The following ADAMTS2 variants were observed in gnomAD, a reference collection of about 807,000 sequenced individuals.
The protein encoded by ADAMTS2 is ADAM metallopeptidase with thrombospondin type 1 motif 2, also known as A disintegrin and metalloproteinase with thrombospondin motifs 2.
ADAMTS2 carries 50 observed loss-of-function variants against 123.0 expected under a neutral mutation model. The observed-to-expected ratio is 0.41, with a 90% CI of 0.32 to 0.51. The LOEUF is 0.51. Ranked by LOEUF, ADAMTS2 falls within the 20% of genes least tolerant of loss-of-function variation. The pLI, the probability that ADAMTS2 is intolerant of heterozygous loss-of-function variation, is 0.35. For synonymous variants in ADAMTS2, 678 were observed against 695.4 expected, an observed-to-expected ratio of 0.98 and a Z score of 0.39; for missense variants, 1,494 against 1,705.2, an observed-to-expected ratio of 0.88 and a Z score of 2.18.
At chr5:179,152,595 G>A (rs1028969711) in intron 9 of ADAMTS2, among the ~76,000 whole-genome samples, 10 of 151,902 alleles carry the variant, frequency 6.6e-5, no homozygotes, top group Admixed American at 5.9e-4. Context: ...AAACCCTGGC[G>A]AAGCCCTACC....
rs1419247120 is a variant in ADAMTS2, at chr5:179,307,459, T to C, written c.535-34395A>G. On this transcript the variant is annotated intron_variant, in intron 2 of 21. Transcript: ENST00000251582. The surrounding 1 kb of genome is among the most constrained non-coding windows in gnomAD (Gnocchi z 5.6). ...CACCACCACGCAGGGGCTTCCCGGGTCATGCTGCACCATCCACTAATAGCA... is the reference window on the plus strand; with the variant it reads ...CACCACCACGCAGGGGCTTCCCGGGCCATGCTGCACCATCCACTAATAGCA... Among the ~76,000 whole-genome samples the C allele has an allele frequency of 6.6e-6, 1 of 151,900 alleles. No homozygotes were observed. Among genetic ancestry groups the C allele is most frequent in the Non-Finnish European group, 1.5e-5 (1 of 67,998 alleles).
chr5:179,302,387 A>G (rs1411428905), intron 2 of ADAMTS2, among the ~76,000 whole-genome samples: 1 of 148,508 alleles, frequency 6.7e-6, no homozygotes, highest in Admixed American at 6.7e-5. Flanking sequence ...CTCAAAAAAA[A>G]AAAAAAAAAA....
chr5:179,191,389 C>A (rs758725599), intron 4 of ADAMTS2, among the ~76,000 whole-genome samples: 4 of 152,336 alleles, frequency 2.6e-5, no homozygotes, highest in African/African-American at 9.6e-5. Flanking sequence ...TCCCCCCACA[C>A]GCCCGTCTCA....
At chr5:179,186,863 T>A (rs1223621798) in intron 4 of ADAMTS2, among the ~76,000 whole-genome samples, 2 of 93,490 alleles carry the variant, frequency 2.1e-5, no homozygotes, top group African/African-American at 8.1e-5. Flanking sequence ...CACACACCAT[T>A]CTTCACTACG....
intron 4 of ADAMTS2, among the ~76,000 whole-genome samples, chr5:179,190,946 T>C (rs1011302436): frequency 1.3e-5 from 2 of 152,240 alleles, no homozygotes; most frequent in African/African-American, 4.8e-5. Flanking sequence ...CGTCCGCGAG[T>C]GTGACCCAGC....
chr5:179,315,778 G>A (rs765639410), intron 2 of ADAMTS2, among the ~76,000 whole-genome samples: 23 of 152,200 alleles, frequency 1.5e-4, no homozygotes, highest in African/African-American at 4.8e-4. Flanking sequence ...TGGCTGCACC[G>A]AAGAGCAGAA....
chr5:179,307,502 C>G lies in ADAMTS2; in HGVS notation c.535-34438G>C, dbSNP rs182607281. On this transcript the variant is annotated intron_variant, in intron 2 of 21. Transcript: ENST00000251582. The surrounding 1 kb of genome is among the most constrained non-coding windows in gnomAD (Gnocchi z 5.6). ...TAATAGCACCATCACGTATGCCAGG[C>G]TGGGAGCCCGGGCGTCCCAAGCCTG... is the stretch of plus-strand genomic sequence containing the variant. Among the ~76,000 whole-genome samples the G allele has an allele frequency of 6.6e-6, 1 of 152,264 alleles. No homozygotes were observed. The highest frequency in any genetic ancestry group is 6.5e-5 in the Admixed American group (1 of 15,300).
In ADAMTS2 at chr5:179,121,666, G is replaced by A. The variant is rs767490706; in HGVS notation, c.3173C>T (p.Ser1058Leu). Residue 1058 changes from serine to leucine, a missense_variant, in exon 21 of 22, where the codon TCG becomes TTG. Ser to Leu is a moderately radical substitution (Grantham distance 145, BLOSUM62 -2). Around this residue, in one of 6 missense-constraint regions of ADAMTS2, gnomAD observed 953 missense variants for 1,124.7 expected, o/e 0.85. Transcript: ENST00000251582. The stretch of plus-strand genomic sequence containing the variant: ...GTTATAAACGGGTCGGTTACTTGAC[G>A]AGATCTTCCGGATGGGCGAGTCGGG... ...PDPDSPIRKI[S>L]SKGHCQGDKS... 2 of 1,600,982 alleles carry A rather than the reference G, an allele frequency of 1.2e-6. No individual in the cohort carries two copies. Among genetic ancestry groups the A allele is most frequent in the East Asian group, 2.3e-5 (1 of 44,020 alleles).
At chr5:179,137,980 C>A (rs1034815209) in intron 11 of ADAMTS2, 36 bp from the exon 12 acceptor site, 2 of 1,538,612 alleles carry the variant, frequency 1.3e-6, no homozygotes. Context: ...CGCTCCGTGC[C>A]ATTGGAAAGA....
rs1189704906 is a variant in ADAMTS2, at chr5:179,129,710, CAAGGT to C, written c.2457+217_2457+221del. Among the ~76,000 whole-genome samples, 2 of 152,194 alleles carry C rather than the reference CAAGGT, an allele frequency of 1.3e-5. No individual in the cohort carries two copies. Among genetic ancestry groups the C allele is most frequent in the Non-Finnish European group, 2.9e-5 (2 of 68,034 alleles). On this transcript the variant is annotated intron_variant, in intron 16 of 21. Transcript: ENST00000251582. This position sits in a 1 kb window ranked among gnomAD's most constrained non-coding sequence, Gnocchi z 4.1. ...GAAACCCTCAAAGGGAGAGTGTGCC[CAAGGT>C]CACCTAGGGGTCATGTGGGGTCCAG...
chr5:179,140,087 G>T, intron 10 of ADAMTS2, 52 bp from the exon 11 acceptor site: 1 of 1,611,922 alleles, frequency 6.2e-7, no homozygotes, highest in South Asian at 1.1e-5. Context: ...GGGCCGTGGG[G>T]ACAGTCCTGC....
intron 21 of ADAMTS2, among the ~76,000 whole-genome samples, chr5:179,119,307 G>A (rs895907711): frequency 1.3e-5 from 2 of 152,214 alleles, no homozygotes; most frequent in Non-Finnish European, 2.9e-5. Context: ...CCCTCCCCAG[G>A]CTAGCCCCCG....
At chr5:179,207,475 T>TGGCCCCCCCC in intron 4 of ADAMTS2, 38 bp downstream of exon 4, 2 of 588,616 alleles carry the variant, frequency 3.4e-6, no homozygotes, top group Non-Finnish European at 6.4e-6. Context: ...TGGTTGACCC[T>TGGCCCCCCCC]CCCCGCCCCA....
At chr5:179,166,448 G>A (rs527888942) in intron 5 of ADAMTS2, among the ~76,000 whole-genome samples, 1 of 152,318 alleles carries the variant, frequency 6.6e-6, no homozygotes, top group South Asian at 2.1e-4. Context: ...TTTGCTGAAT[G>A]CTCCCCAGGG....
rs183848992 is a variant in ADAMTS2, at chr5:179,267,604, A to C, written c.688+5307T>G. On this transcript the variant is annotated intron_variant, in intron 3 of 21. Transcript: ENST00000251582. ...GCCAGGCCGGGGCGAGCCCCAGGAG[A>C]GCAGCCCACAGAGGAGGGCAGAAGA... Among the ~76,000 whole-genome samples, 19 of 152,252 alleles carry C rather than the reference A, an allele frequency of 1.2e-4. No individual in the cohort carries two copies. In the East Asian group the frequency reaches 3.1e-3, roughly 25 times the overall value.
intron 2 of ADAMTS2, among the ~76,000 whole-genome samples, chr5:179,328,035 G>C (rs1305185211): frequency 1.3e-5 from 2 of 152,116 alleles, no homozygotes; most frequent in Non-Finnish European, 2.9e-5. Context: ...GGTTTGTTTT[G>C]TTTTGTTTTT....
chr5:179,343,928 G>A lies in ADAMTS2; in HGVS notation c.373C>T (p.Arg125Trp), dbSNP rs535594659. The A allele has an allele frequency of 1.1e-4, 169 of 1,608,236 alleles. 2 individuals carry two copies. The South Asian group carries it at 1.8e-3, about 17-fold the overall frequency. Residue 125 changes from arginine to tryptophan, a missense_variant, in exon 2 of 22, where the codon CGG (arginine) becomes TGG (tryptophan). This residue lies in a region of ADAMTS2 where 237 missense variants were observed against 233.7 expected (regional missense o/e 1.01). Transcript: ENST00000251582. ...VFGRDLHLRL[R>W]PNARLVAPGA... is the part of the protein sequence containing the mutation. ...GGCGCCACGAGGCGGGCGTTGGGCCGCAGCCGCAGGTGCAGGTCTCGGCCA... is the reference window on the plus strand; with the variant it reads ...GGCGCCACGAGGCGGGCGTTGGGCCACAGCCGCAGGTGCAGGTCTCGGCCA...
intron 11 of ADAMTS2, among the ~76,000 whole-genome samples, chr5:179,138,336 G>C (rs551136255): frequency 6.6e-6 from 1 of 152,310 alleles, no homozygotes; most frequent in East Asian, 1.9e-4. Flanking sequence ...AGCACGGCAG[G>C]AGCTGAGTGA....
intron 2 of ADAMTS2, among the ~76,000 whole-genome samples, chr5:179,305,671 G>C (rs960828496): frequency 5.9e-5 from 9 of 152,110 alleles, no homozygotes; most frequent in African/African-American, 1.9e-4. Flanking sequence ...GAAAATAATA[G>C]AGAAGATCAA....
Sources: gnomAD v4.1 joint callset for allele counts (sites outside exome capture counted in the v4.1 genomes callset) on GRCh38, gnomAD v4.1.1 for gene constraint, gnomAD v4.1.1 regional missense constraint, Gnocchi (gnomAD v3.1) non-coding constraint, MANE v1.5 for transcripts, NCBI Gene and HGNC (gene_info 2026-07-23, HGNC 2026-07-21) for gene names.